The following IARS1 variants were observed in gnomAD, a reference collection of about 807,000 sequenced individuals.
IARS1 encodes isoleucine--tRNA ligase, cytoplasmic.
IARS1 carries 124 observed loss-of-function variants against 168.2 expected under a neutral mutation model. The observed-to-expected ratio is 0.74, with a 90% CI of 0.64 to 0.86. IARS1 has a LOEUF of 0.86. IARS1 is among the 40% of genes least tolerant of loss of function. The pLI is 0.00. For synonymous variants in IARS1, 532 were observed against 529.4 expected, an observed-to-expected ratio of 1.00 and a Z score of -0.07; for missense variants, 1,452 against 1,515.8, an observed-to-expected ratio of 0.96 and a Z score of 0.70.
intron 24 of IARS1, 99 bp downstream of exon 24, chr9:92,250,087 GA>G: frequency 3.3e-6 from 3 of 905,734 alleles, no homozygotes; most frequent in Non-Finnish European, 3.6e-6. Flanking sequence ...TGCAGAAAAG[GA>G]AAAAGGCCAT....
At chr9:92,248,593 T>C (rs930916896) in intron 25 of IARS1, among the ~76,000 whole-genome samples, 1 of 134,240 alleles carries the variant, frequency 7.4e-6, no homozygotes, top group African/African-American at 2.9e-5. Context: ...ATGGAGGCTG[T>C]AGTGAGCCAA....
chr9:92,240,807 A>G (rs763323746), intron 30 of IARS1, 49 bp downstream of exon 30: 6 of 1,126,872 alleles, frequency 5.3e-6, no homozygotes, highest in South Asian at 2.5e-5. Context: ...TTTCACATCC[A>G]TAAGTATAAC....
At chr9:92,225,639 T>C (rs950266125) in intron 31 of IARS1, among the ~76,000 whole-genome samples, 4 of 151,366 alleles carry the variant, frequency 2.6e-5, no homozygotes, top group Non-Finnish European at 4.4e-5. Flanking sequence ...TAAAGAGCCA[T>C]GTATAGATGT....
chr9:92,221,743 A>G (rs1839689948), intron 33 of IARS1, among the ~76,000 whole-genome samples: 1 of 152,212 alleles, frequency 6.6e-6, no homozygotes. Flanking sequence ...AGAATGTGGA[A>G]TATGTCAACT....
intron 6 of IARS1, among the ~76,000 whole-genome samples, chr9:92,285,068 A>G (rs1296339859): frequency 1.3e-5 from 2 of 152,234 alleles, no homozygotes; most frequent in Non-Finnish European, 2.9e-5. Flanking sequence ...GCCATGAAAC[A>G]AGAATTCCAA....
At chr9:92,287,697 A>G (rs1292181450) in intron 4 of IARS1, 94 bp downstream of exon 4, 1 of 1,343,436 alleles carries the variant, frequency 7.4e-7, no homozygotes, top group Non-Finnish European at 1.0e-6. Context: ...CAAAAAATAA[A>G]TTAATAAAAA....
chr9:92,241,176 A>G (rs1387098542), intron 29 of IARS1, among the ~76,000 whole-genome samples: 2 of 152,216 alleles, frequency 1.3e-5, no homozygotes, highest in Non-Finnish European at 2.9e-5. Context: ...CTCACTTAAA[A>G]AAAGTCAAAT....
chr9:92,282,393 C>T (rs932141462), intron 6 of IARS1, among the ~76,000 whole-genome samples: 7 of 151,982 alleles, frequency 4.6e-5, no homozygotes. Context: ...ACCCCCACCT[C>T]CCAGGTTCAA....
chr9:92,243,367 C>A, intron 27 of IARS1, 56 bp from the exon 28 acceptor site: 2 of 1,186,254 alleles, frequency 1.7e-6, no homozygotes, highest in South Asian at 1.3e-5. Flanking sequence ...ACACTTCTTC[C>A]CAACTCAGCA....
At chr9:92,276,666 G>C (rs1833821507) in intron 9 of IARS1, among the ~76,000 whole-genome samples, 1 of 152,186 alleles carries the variant, frequency 6.6e-6, no homozygotes, top group Non-Finnish European at 1.5e-5. Context: ...AAACAACTGA[G>C]GGTTCAGCGA....
At chr9:92,240,808 T>C (rs772851102) in intron 30 of IARS1, 48 bp downstream of exon 30, 38 of 1,129,986 alleles carry the variant, frequency 3.4e-5, no homozygotes, top group Non-Finnish European at 5.0e-5. Context: ...TTCACATCCA[T>C]AAGTATAACT....
At chr9:92,232,450 G>A (rs1176492596) in intron 30 of IARS1, among the ~76,000 whole-genome samples, 3 of 152,180 alleles carry the variant, frequency 2.0e-5, no homozygotes, top group Non-Finnish European at 4.4e-5. Flanking sequence ...CATGGTTTTG[G>A]TAAGGTGAAG....
chr9:92,243,055 G>C (rs1006086537), intron 28 of IARS1, 161 bp downstream of exon 28: 2 of 565,046 alleles, frequency 3.5e-6, no homozygotes, highest in African/African-American at 3.8e-5. Context: ...GAGAGGAAGA[G>C]GAGTGACTTT....
chr9:92,254,317 C>A (rs1171367468), intron 20 of IARS1, among the ~76,000 whole-genome samples: 1 of 152,114 alleles, frequency 6.6e-6, no homozygotes, highest in Non-Finnish European at 1.5e-5. Flanking sequence ...TCATTCACCT[C>A]CCATTTAATT....
At chr9:92,239,751 T>C (rs1388305700) in intron 30 of IARS1, among the ~76,000 whole-genome samples, 2 of 152,102 alleles carry the variant, frequency 1.3e-5, no homozygotes, top group African/African-American at 2.4e-5. Context: ...GCTTCCTACT[T>C]TGTCTTCTCT....
chr9:92,274,352 G>A, intron 10 of IARS1, 74 bp downstream of exon 10: 1 of 1,127,098 alleles, frequency 8.9e-7, no homozygotes, highest in Non-Finnish European at 1.3e-6. Context: ...AACATGATGA[G>A]ACACAGGACT....
At position 92,229,055 on chromosome 9, in the gene IARS1, TGAC is replaced by T; in HGVS notation, c.3352_3354del (p.Val1118del). The T allele has an allele frequency of 6.2e-7, 1 of 1,614,138 alleles. No individual in the cohort carries two copies. Among genetic ancestry groups the T allele is most frequent in the Non-Finnish European group, 8.5e-7 (1 of 1,180,000 alleles). On this transcript the variant is annotated inframe_deletion, in exon 31 of 34. Coordinates refer to ENST00000443024, the MANE Select transcript of IARS1 (RefSeq NM_002161.6). ...GTATTTTTCACACCAAAAATGCTAG[TGAC>T]AACACTCTTCAGCTTTAAAAGGTCC...
At chr9:92,251,208 G>C (rs909051108) in intron 22 of IARS1, 1 of 460,922 alleles carries the variant, frequency 2.2e-6, no homozygotes, top group Non-Finnish European at 4.3e-6. Context: ...ATGAGATCAG[G>C]CATGGAGAGC....
At chr9:92,271,746 T>G in intron 10 of IARS1, 91 bp from the exon 11 acceptor site, 3 of 1,345,418 alleles carry the variant, frequency 2.2e-6, no homozygotes, top group East Asian at 2.3e-5. Context: ...TTGTTCTATA[T>G]TGTAACATAT....
Sources: allele counts gnomAD v4.1 joint callset (sites outside exome capture counted in the v4.1 genomes callset), GRCh38; gene constraint gnomAD v4.1.1; transcripts MANE v1.5; gene names NCBI Gene and HGNC (gene_info 2026-07-23, HGNC 2026-07-21).